Variants in TECTA observed in about 807,000 individuals in gnomAD.
The protein encoded by TECTA is tectorin alpha.
TECTA carries 128 observed loss-of-function variants against 216.8 expected under a neutral mutation model. The observed-to-expected ratio is 0.59, with a 90% CI of 0.51 to 0.68. The LOEUF (loss-of-function observed/expected upper bound fraction) is 0.68. TECTA is among the 30% of genes least tolerant of loss of function. The probability of loss-of-function intolerance (pLI) is 0.00; values close to 1 mark genes in which losing one functional copy is unlikely to be tolerated. For missense variants in TECTA, 2,551 were observed against 2,786.2 expected (o/e 0.92, Z 1.90); for synonymous variants, 1,089 against 1,117.1 (o/e 0.97, Z 0.50).
At chr11:121,146,194 C>CT in intron 12 of TECTA, 78 bp downstream of exon 12, 1 of 1,554,214 alleles carries the variant, frequency 6.4e-7, no homozygotes. Context: ...TTCCAACTCC[C>CT]TAGAAGTCAG....
chr11:121,152,580 G>C (rs1422970890), intron 12 of TECTA, among the ~76,000 whole-genome samples: 1 of 152,146 alleles, frequency 6.6e-6, no homozygotes, highest in Non-Finnish European at 1.5e-5. Flanking sequence ...ATTCAGATGG[G>C]CGGTGGGTTC....
chr11:121,155,164 G>A (rs907482948), intron 13 of TECTA, among the ~76,000 whole-genome samples: 11 of 152,234 alleles, frequency 7.2e-5, no homozygotes, highest in Admixed American at 5.9e-4. Context: ...CTATTAGCAT[G>A]TAGAGTGATC....
At chr11:121,120,752 C>T (rs541133235) in intron 7 of TECTA, among the ~76,000 whole-genome samples, 59 of 152,290 alleles carry the variant, frequency 3.9e-4, no homozygotes, top group Non-Finnish European at 5.1e-4. Context: ...CTAGAAAAAG[C>T]GCCTCCTTCT....
chr11:121,170,433 G>A (rs1383903180), intron 20 of TECTA, among the ~76,000 whole-genome samples: 1 of 145,322 alleles, frequency 6.9e-6, no homozygotes, highest in Non-Finnish European at 1.5e-5. Context: ...GTTTTGTTTT[G>A]TTTTGTTTGG....
chr11:121,113,546 G>A lies in TECTA; in HGVS notation c.625-7G>A, dbSNP rs1431372288. 3.1e-6 allele frequency: 5 copies of A among 1,614,000 alleles called. No homozygotes were observed. Among genetic ancestry groups the A allele is most frequent in the Non-Finnish European group, 4.2e-6 (5 of 1,180,034 alleles). On this transcript the variant is annotated splice_region_variant and splice_polypyrimidine_tract_variant and intron_variant, in intron 5 of 23. Transcript: ENST00000392793. The surrounding 1 kb of genome is among the most constrained non-coding windows in gnomAD (Gnocchi z 4.2). ...CTCAAAAATCTTGTCTTCCTTTTGT[G>A]CTGCAGGCAGGATTTAATGGTGGAA...
chr11:121,102,458 C>T (rs1946354825), intron 1 of TECTA, among the ~76,000 whole-genome samples: 3 of 152,142 alleles, frequency 2.0e-5, no homozygotes, highest in Non-Finnish European at 4.4e-5. Flanking sequence ...TTCTTCTGGG[C>T]ATCTAATTTG....
rs765901014 is a variant in TECTA at position 121,162,377 on chromosome 11, G to C, written c.5272+7G>C. The C allele has an allele frequency of 1.9e-6, 3 of 1,611,598 alleles. No homozygotes were observed. Among genetic ancestry groups the C allele is most frequent in the Non-Finnish European group, 2.5e-6 (3 of 1,179,988 alleles). ...ATTGAGAAGGAGAATTGCTGTAAGAGAATTATTTTATTTCTGTGAATTCCA... is the reference window on the plus strand; with the variant it reads ...ATTGAGAAGGAGAATTGCTGTAAGACAATTATTTTATTTCTGTGAATTCCA... On this transcript the variant is annotated splice_region_variant and intron_variant, in intron 16 of 23. Transcript: ENST00000392793.
intron 14 of TECTA, among the ~76,000 whole-genome samples, chr11:121,159,909 C>T (rs1246506253): frequency 1.3e-5 from 2 of 152,234 alleles, no homozygotes; most frequent in East Asian, 1.9e-4. Flanking sequence ...GCCAGCAAAT[C>T]TGCTTGCTGC....
At chr11:121,132,805 T>C (rs504148) in intron 10 of TECTA, among the ~76,000 whole-genome samples, 111,826 of 152,070 alleles carry the variant, frequency 0.74, 41,674 homozygotes, top group African/African-American at 0.86. Flanking sequence ...CTGCAACCTC[T>C]GCCCCCACCA....
chr11:121,137,332 A>G lies in TECTA; in HGVS notation c.2942-89A>G, dbSNP rs1030667315. On this transcript the variant is annotated intron_variant, in intron 10 of 23. Transcript: ENST00000392793. Reference sequence around the variant, plus strand: ...CACGCACATGCACTCACAAACACACATGCACTCATACACACATGCATGCAC... The same window carrying G: ...CACGCACATGCACTCACAAACACACGTGCACTCATACACACATGCATGCAC... 12 of 1,542,104 alleles carry G rather than the reference A, an allele frequency of 7.8e-6. No individual in the cohort carries two copies. The East Asian group carries it at 2.7e-4, about 35-fold the overall frequency.
At chr11:121,163,022 A>G (rs560924047) in intron 16 of TECTA, among the ~76,000 whole-genome samples, 4 of 152,208 alleles carry the variant, frequency 2.6e-5, no homozygotes, top group Non-Finnish European at 5.9e-5. Flanking sequence ...TAAATGTGCC[A>G]TAGACATACA....
At chr11:121,162,477 A>G in intron 16 of TECTA, 107 bp downstream of exon 16, 3 of 1,365,410 alleles carry the variant, frequency 2.2e-6, no homozygotes, top group South Asian at 1.3e-5. Flanking sequence ...AGATTTACTC[A>G]TAGATCTGCT....
intron 4 of TECTA, chr11:121,109,915 C>T (rs956962844): frequency 5.0e-6 from 1 of 200,254 alleles, no homozygotes; most frequent in South Asian, 9.6e-5. Context: ...TTTCCTCCCT[C>T]TCTCCCCAGT....
chr11:121,147,642 T>C (rs1442584909), intron 12 of TECTA, among the ~76,000 whole-genome samples: 2 of 152,216 alleles, frequency 1.3e-5, no homozygotes, highest in Non-Finnish European at 2.9e-5. Flanking sequence ...CTTGTCTTCC[T>C]CTAAATCAGA....
In TECTA at chr11:121,160,152, G is replaced by C; in HGVS notation, c.4707G>C (p.Val1569=). 1.9e-6 allele frequency: 3 copies of C among 1,614,194 alleles called. No individual in the cohort carries two copies. The highest frequency in any genetic ancestry group is 1.7e-5 in the Admixed American group (1 of 60,014). Residue 1569 remains valine, a synonymous_variant, in exon 15 of 24, where the codon GTG becomes GTC. Coordinates refer to ENST00000392793, the MANE Select transcript of TECTA (RefSeq NM_005422.4). ...RNTVKVNGTQ[V]NVPFITGLAT... ...TCCAATAGGTGAATGGCACACAAGTGAATGTTCCATTTATAACTGGTTTGG... is the reference window on the plus strand; with the variant it reads ...TCCAATAGGTGAATGGCACACAAGTCAATGTTCCATTTATAACTGGTTTGG...
intron 12 of TECTA, 168 bp downstream of exon 12, chr11:121,146,284 T>C: frequency 1.3e-6 from 1 of 776,676 alleles, no homozygotes; most frequent in South Asian, 1.6e-5. Flanking sequence ...TGTAACCTCT[T>C]GGAGCCTCCA....
In TECTA at chr11:121,165,253, C is replaced by T. The variant is rs896470778; in HGVS notation, c.5273-20C>T. 10 of 1,579,148 alleles carry T rather than the reference C, an allele frequency of 6.3e-6. No homozygotes were observed. Among genetic ancestry groups the T allele is most frequent in the Non-Finnish European group, 7.8e-6 (9 of 1,160,826 alleles). On this transcript the variant is annotated intron_variant, in intron 16 of 23. Coordinates refer to ENST00000392793, the MANE Select transcript of TECTA (RefSeq NM_005422.4). Reference sequence around the variant, plus strand: ...TGTGAAAATGAAGTTGTGCATGTTTCTGTGTGTTTTTCTTTTTAGCAGGAG... The same window carrying T: ...TGTGAAAATGAAGTTGTGCATGTTTTTGTGTGTTTTTCTTTTTAGCAGGAG...
intron 12 of TECTA, among the ~76,000 whole-genome samples, chr11:121,149,180 C>G (rs1441381423): frequency 2.6e-5 from 4 of 152,178 alleles, no homozygotes; most frequent in Non-Finnish European, 4.4e-5. Flanking sequence ...AGGAAGGTGG[C>G]CTGGGTAAGT....
chr11:121,173,067 T>G (rs1591466376), intron 20 of TECTA, among the ~76,000 whole-genome samples: 1 of 152,122 alleles, frequency 6.6e-6, no homozygotes, highest in Admixed American at 6.5e-5. Context: ...TTGTTTGAGT[T>G]CATTGTAGAT....
Sources: gnomAD v4.1 joint callset for allele counts (sites outside exome capture counted in the v4.1 genomes callset) on GRCh38, gnomAD v4.1.1 for gene constraint, Gnocchi (gnomAD v3.1) non-coding constraint, MANE v1.5 for transcripts, NCBI Gene and HGNC (gene_info 2026-07-23, HGNC 2026-07-21) for gene names.